PSME3IP1: variants seen among roughly 807,000 people sequenced by gnomAD.
PSME3IP1 encodes the protein PSME3-interacting protein.
A neutral mutation model predicts 34.1 loss-of-function variants in PSME3IP1; 13 were observed. That is an observed-to-expected ratio of 0.38 (90% CI 0.25 to 0.61). PSME3IP1 has a LOEUF of 0.61. Among genes scored for constraint, PSME3IP1 ranks in the 20% least tolerant of loss-of-function variants. The probability of loss-of-function intolerance (pLI) is 0.60; values close to 1 mark genes in which losing one functional copy is unlikely to be tolerated. For missense variants in PSME3IP1, 237 were observed against 301.4 expected (o/e 0.79, Z 1.58); for synonymous variants, 93 against 114.3 (o/e 0.81, Z 1.19).
chr16:57,171,979 C>T (rs138573879), intron 4 of PSME3IP1, among the ~76,000 whole-genome samples: 9 of 152,204 alleles, frequency 5.9e-5, no homozygotes, highest in Admixed American at 5.9e-4. Flanking sequence ...GCACTGCCCA[C>T]CTGTGTCAGA....
At chr16:57,167,408 C>T (rs2072020283) in intron 4 of PSME3IP1, among the ~76,000 whole-genome samples, 182 bp from the exon 5 acceptor site, 1 of 152,270 alleles carries the variant, frequency 6.6e-6, no homozygotes, top group East Asian at 1.9e-4. Context: ...TGGAGGAAGA[C>T]AGCATATAAA....
chr16:57,159,683 G>C (rs1187602981), intron 6 of PSME3IP1, among the ~76,000 whole-genome samples: 2 of 152,182 alleles, frequency 1.3e-5, no homozygotes, highest in Non-Finnish European at 2.9e-5. Flanking sequence ...AAGAATGCAG[G>C]AGTAGGAAGA....
At chr16:57,172,172 G>GTTGATGAGGAGACAACATCCA in intron 4 of PSME3IP1, 79 bp downstream of exon 4, 1 of 1,496,642 alleles carries the variant, frequency 6.7e-7, no homozygotes, top group Admixed American at 1.8e-5. Flanking sequence ...CCCTCTTTCT[G>GTTGATGAGGAGACAACATCCA]TTGATGAGGA....
At chr16:57,169,602 G>T (rs562785368) in intron 4 of PSME3IP1, among the ~76,000 whole-genome samples, 6 of 152,206 alleles carry the variant, frequency 3.9e-5, no homozygotes, top group Admixed American at 3.9e-4. Context: ...AGGACACAAA[G>T]GTTTCTTTTG....
intron 1 of PSME3IP1, among the ~76,000 whole-genome samples, chr16:57,177,433 C>T (rs977860465): frequency 6.6e-6 from 1 of 150,582 alleles, no homozygotes; most frequent in Non-Finnish European, 1.5e-5. Flanking sequence ...GCAATACAAT[C>T]TGCCCACCTC....
At chr16:57,173,514 A>T (rs2072849016) in intron 2 of PSME3IP1, among the ~76,000 whole-genome samples, 1 of 152,164 alleles carries the variant, frequency 6.6e-6, no homozygotes, top group Non-Finnish European at 1.5e-5. Flanking sequence ...CTGTAATCCC[A>T]ACTACTCGGA....
rs1308733477 is a variant in PSME3IP1, at chr16:57,153,381, A to C, written c.*909T>G. The stretch of plus-strand genomic sequence containing the variant: ...TATGCATTAAACAGAGAAGGGCCTC[A>C]ATAGAATGGTCACAATATGCAAGTG... On this transcript the variant is annotated 3_prime_UTR_variant, in exon 7 of 7. Coordinates refer to ENST00000309137, the MANE Select transcript of PSME3IP1 (RefSeq NM_024946.4). 6.6e-6 allele frequency: 1 copy of C among 152,242 alleles called. No homozygotes were observed. The highest frequency in any genetic ancestry group is 1.5e-5 in the Non-Finnish European group (1 of 68,048). 9.4% of individuals were successfully genotyped at this position (152,242 alleles called of 1,614,324 possible). A position where few individuals can be genotyped will look rare whatever the true frequency, so the allele number is the denominator to read the frequency against.
Sources: allele counts gnomAD v4.1 joint callset (sites outside exome capture counted in the v4.1 genomes callset), GRCh38; gene constraint gnomAD v4.1.1; transcripts MANE v1.5; gene names NCBI Gene and HGNC (gene_info 2026-07-23, HGNC 2026-07-21).